Variants in B4GALT3 observed in about 807,000 individuals in gnomAD.
B4GALT3 encodes N-acetyllactosamine synthase.
In B4GALT3, 29 loss-of-function variants were observed where a neutral mutation model predicts 40.7. The ratio of observed to expected loss-of-function variants is 0.71; its 90% CI spans 0.53 to 0.97. The LOEUF (loss-of-function observed/expected upper bound fraction) is 0.97. Ranked by LOEUF, B4GALT3 falls within the 50% of genes least tolerant of loss-of-function variation. B4GALT3 has a pLI of 0.00. For missense variants in B4GALT3, 390 were observed against 522.3 expected, an observed-to-expected ratio of 0.75 and a Z score of 2.47; for synonymous variants, 182 against 203.9, an observed-to-expected ratio of 0.89 and a Z score of 0.92.
At chr1:161,174,129 C>A in intron 4 of B4GALT3, 80 bp from the exon 5 acceptor site, 2 of 1,478,912 alleles carry the variant, frequency 1.4e-6, no homozygotes, top group Non-Finnish European at 1.8e-6. Flanking sequence ...AAGTGAAGGC[C>A]GGGCGCGGTG....
intron 3 of B4GALT3, among the ~76,000 whole-genome samples, 190 bp downstream of exon 3, chr1:161,175,618 C>T (rs1210501474): frequency 6.6e-6 from 1 of 152,144 alleles, no homozygotes; most frequent in East Asian, 1.9e-4. Flanking sequence ...ATAGTCTAAT[C>T]TAAACTCCCA....
intron 1 of B4GALT3, chr1:161,176,842 C>G (rs1395546519): frequency 4.0e-5 from 62 of 1,534,606 alleles, no homozygotes; most frequent in Non-Finnish European, 5.3e-5. Flanking sequence ...ACATTGTTTT[C>G]CCCCAGACCA....
intron 1 of B4GALT3, 155 bp from the exon 2 acceptor site, chr1:161,176,734 T>C: frequency 1.2e-6 from 1 of 802,192 alleles, no homozygotes; most frequent in Non-Finnish European, 2.0e-6. Flanking sequence ...TCTCCCGTGC[T>C]ACCCTGGAAT....
At chr1:161,174,875 T>C in intron 4 of B4GALT3, 118 bp downstream of exon 4, 1 of 1,124,450 alleles carries the variant, frequency 8.9e-7, no homozygotes, top group Non-Finnish European at 1.3e-6. Flanking sequence ...CTCCACACTC[T>C]AACAGTCTGG....
In B4GALT3 at chr1:161,171,394, G is replaced by A. The variant is rs567902159; in HGVS notation, c.*422C>T. The A allele has an allele frequency of 4.1e-4, 321 of 783,302 alleles. 1 individual carries two copies. In the Middle Eastern group the frequency reaches 4.5e-3, roughly 11 times the overall value. 48.5% of individuals were successfully genotyped at this position (783,302 alleles called of 1,614,324 possible). On this transcript the variant is annotated 3_prime_UTR_variant, in exon 8 of 8. Transcript: ENST00000319769. Reference sequence around the variant, plus strand: ...CAGAAGAGGGAGCTATTCCAGCATAGGCAGAAAATGCCCAGGGAGGGGCTT... The same window carrying A: ...CAGAAGAGGGAGCTATTCCAGCATAAGCAGAAAATGCCCAGGGAGGGGCTT...
rs1663542075 is a variant in B4GALT3, at chr1:161,176,416, G to A, written c.-15+18C>T. On this transcript the variant is annotated intron_variant, in intron 2 of 7. Coordinates refer to ENST00000319769, the MANE Select transcript of B4GALT3 (RefSeq NM_003779.4). ...AGAACCCCCTCTTCCAATTTTAGAAGGGAAGAGATAGACTCACCTAGGTTC... is the reference window on the plus strand; with the variant it reads ...AGAACCCCCTCTTCCAATTTTAGAAAGGAAGAGATAGACTCACCTAGGTTC... The A allele has an allele frequency of 2.5e-6, 1 of 403,526 alleles. No homozygotes were observed. Among genetic ancestry groups the A allele is most frequent in the Non-Finnish European group, 4.6e-6 (1 of 219,488 alleles). The allele number at this position is 403,526 out of a possible 1,614,324, so 25.0% of individuals were successfully genotyped here. A position where few individuals can be genotyped will look rare whatever the true frequency, so the allele number is the denominator to read the frequency against.
At chr1:161,176,937 CTTCTA>C in intron 1 of B4GALT3, 1 of 1,535,862 alleles carries the variant, frequency 6.5e-7, no homozygotes. Context: ...AAACAGGCTC[CTTCTA>C]TTCTTCATGT....
intron 6 of B4GALT3, among the ~76,000 whole-genome samples, chr1:161,172,562 T>G (rs904165549): frequency 4.6e-5 from 7 of 152,286 alleles, no homozygotes; most frequent in Non-Finnish European, 7.4e-5. Flanking sequence ...TTTAAACAGT[T>G]GGCAACCTAT....
At chr1:161,177,013 G>A (rs1222959716) in intron 1 of B4GALT3, 8 of 1,536,016 alleles carry the variant, frequency 5.2e-6, no homozygotes, top group Admixed American at 2.0e-5. Flanking sequence ...TAAGCGAACA[G>A]CCCCGGAGCT....
chr1:161,173,942 C>T lies in B4GALT3; in HGVS notation c.597G>A (p.Leu199=), dbSNP rs1263173392. 3.1e-6 allele frequency: 5 copies of T among 1,614,068 alleles called. No homozygotes were observed. The Admixed American group carries it at 6.7e-5, about 22-fold the overall frequency. ...CATACAGATTGTGGTCATTTTCTGG[C>T]AAGAGGTCCACATCGTGCAAGAACA... ...DCLFLHDVDL[L]PENDHNLYVC... Residue 199 remains leucine, a synonymous_variant, in exon 5 of 8, where the codon TTG becomes TTA. Coordinates refer to ENST00000319769, the MANE Select transcript of B4GALT3 (RefSeq NM_003779.4).
intron 6 of B4GALT3, among the ~76,000 whole-genome samples, chr1:161,172,639 C>T (rs1032884738): frequency 2.6e-5 from 4 of 152,106 alleles, no homozygotes; most frequent in African/African-American, 9.7e-5. Context: ...AGAGAGAGGC[C>T]ATTCTGTCAA....
chr1:161,174,882 C>A, intron 4 of B4GALT3, 111 bp downstream of exon 4: 1 of 1,176,740 alleles, frequency 8.5e-7, no homozygotes, highest in Non-Finnish European at 1.2e-6. Context: ...CTCTAACAGT[C>A]TGGCCTTCTT....
At chr1:161,176,253 C>A in intron 2 of B4GALT3, 179 bp from the exon 3 acceptor site, 1 of 697,982 alleles carries the variant, frequency 1.4e-6, no homozygotes, top group Non-Finnish European at 2.3e-6. Context: ...CCACCAGTAA[C>A]CCTACCACCT....
chr1:161,174,140 G>A (rs143067582), intron 4 of B4GALT3, 91 bp from the exon 5 acceptor site: 3 of 1,372,138 alleles, frequency 2.2e-6, no homozygotes, highest in South Asian at 1.4e-5. Flanking sequence ...GGGCGCGGTG[G>A]CTTACGCCTG....
At chr1:161,177,083 C>T (rs1488550980) in intron 1 of B4GALT3, 20 of 1,469,106 alleles carry the variant, frequency 1.4e-5, no homozygotes, top group Non-Finnish European at 1.7e-5. Context: ...CCTCTTCTAG[C>T]GGGGGTGGGG....
rs768086062 is a variant in B4GALT3, at chr1:161,176,102, G to A, written c.-14-28C>T. On this transcript the variant is annotated intron_variant, in intron 2 of 7. Coordinates refer to ENST00000319769, the MANE Select transcript of B4GALT3 (RefSeq NM_003779.4). ...AGGGAGGGAGAGGGGAATTCTGGGG[G>A]TAGGCAGGAAGAGAGCAAGCCAGCA... 5 of 1,609,348 alleles carry A rather than the reference G, an allele frequency of 3.1e-6. No individual in the cohort carries two copies. The South Asian group carries it at 3.3e-5, about 11-fold the overall frequency.
chr1:161,171,753 A>T lies in B4GALT3; in HGVS notation c.*63T>A. The T allele has an allele frequency of 1.3e-6, 2 of 1,577,350 alleles. No homozygotes were observed. The highest frequency in any genetic ancestry group is 1.7e-6 in the Non-Finnish European group (2 of 1,154,970). ...TCCCTCTGAGAACAGTGAGGAGCTG[A>T]GGGTGGGGAGAATACAACCCCATGA... is the stretch of plus-strand genomic sequence containing the variant. On this transcript the variant is annotated 3_prime_UTR_variant, in exon 8 of 8. Coordinates refer to ENST00000319769, the MANE Select transcript of B4GALT3 (RefSeq NM_003779.4).
chr1:161,174,768 A>C, intron 4 of B4GALT3: 1 of 540,894 alleles, frequency 1.8e-6, no homozygotes, highest in Non-Finnish European at 3.2e-6. Flanking sequence ...TTCAATAAAG[A>C]AAAAATCACA....
In B4GALT3 at chr1:161,171,589, T is replaced by C. The variant is rs1661445599; in HGVS notation, c.*227A>G. 1.9e-5 allele frequency: 12 copies of C among 630,150 alleles called. No homozygotes were observed. The highest frequency in any genetic ancestry group is 3.0e-5 in the Non-Finnish European group (11 of 368,118). The allele number at this position is 630,150 out of a possible 1,614,324, so 39.0% of individuals were successfully genotyped here. The stretch of plus-strand genomic sequence containing the variant: ...GGAATCGTCACATAAAATCATGACA[T>C]CAAGGATTCACAGTCATAAGCCCTA... On this transcript the variant is annotated 3_prime_UTR_variant, in exon 8 of 8. Coordinates refer to ENST00000319769, the MANE Select transcript of B4GALT3 (RefSeq NM_003779.4).
Sources: allele counts gnomAD v4.1 joint callset (sites outside exome capture counted in the v4.1 genomes callset), GRCh38; gene constraint gnomAD v4.1.1; transcripts MANE v1.5; gene names NCBI Gene and HGNC (gene_info 2026-07-23, HGNC 2026-07-21).